COL19A1: variants seen among roughly 807,000 people sequenced by gnomAD.
The protein encoded by COL19A1 is collagen type XIX alpha 1 chain.
A neutral mutation model predicts 190.2 loss-of-function variants in COL19A1; 159 were observed. That is an observed-to-expected ratio of 0.84 (90% CI 0.73 to 0.95). The LOEUF is 0.95. Ranked by LOEUF, COL19A1 falls within the 40% of genes least tolerant of loss-of-function variation. The pLI, the probability that COL19A1 is intolerant of heterozygous loss-of-function variation, is 0.00. For missense variants in COL19A1, 1,418 were observed against 1,431.9 expected (o/e 0.99, Z 0.16); for synonymous variants, 509 against 458.9 (o/e 1.11, Z -1.39).
Position 69,927,948 on chromosome 6 carries a change from A to G in COL19A1, c.306A>G (p.Val102=). The change falls in exon 5 of 51, where the codon GTA becomes GTG. Residue 102 remains valine, a synonymous_variant. Transcript: ENST00000620364. ...FPKGLPEEYS[V]AAMFRVRRNA... is the part of the protein sequence containing the mutation. ...AAGGCCTTCCTGAGGAGTACTCAGTAGCTGCCATGTTTCGAGTACGAAGAA... is the reference window on the plus strand; with the variant it reads ...AAGGCCTTCCTGAGGAGTACTCAGTGGCTGCCATGTTTCGAGTACGAAGAA... The G allele has an allele frequency of 1.9e-6, 3 of 1,613,448 alleles. No individual in the cohort carries two copies. The highest frequency in any genetic ancestry group is 2.2e-5 in the South Asian group (2 of 91,062).
chr6:70,070,563 T>C lies in COL19A1; in HGVS notation c.1224+2087T>C, dbSNP rs545717513. Among the ~76,000 whole-genome samples, 317 of 152,288 alleles carry C rather than the reference T, an allele frequency of 2.1e-3. 4 individuals carry two copies. The highest frequency in any genetic ancestry group is 7.2e-3 in the African/African-American group (301 of 41,592). On this transcript the variant is annotated intron_variant, in intron 15 of 50. Transcript: ENST00000620364. ...TGACATTATCCACATTTACAAATAATTATATGCATTTGGATTATATCCATA... is the reference window on the plus strand; with the variant it reads ...TGACATTATCCACATTTACAAATAACTATATGCATTTGGATTATATCCATA...
At chr6:69,921,761 T>C (rs1771969290) in intron 4 of COL19A1, among the ~76,000 whole-genome samples, 1 of 147,456 alleles carries the variant, frequency 6.8e-6, no homozygotes, top group Non-Finnish European at 1.5e-5. Context: ...TATTCGTATG[T>C]AGATTCGTAT....
intron 48 of COL19A1, among the ~76,000 whole-genome samples, chr6:70,195,407 A>G (rs1419926896): frequency 6.6e-6 from 1 of 151,862 alleles, no homozygotes; most frequent in Admixed American, 6.6e-5. Flanking sequence ...TAAGTGAGGG[A>G]CCCTTAATTT....
At chr6:70,006,077 C>T (rs964475964) in intron 11 of COL19A1, among the ~76,000 whole-genome samples, 1 of 152,140 alleles carries the variant, frequency 6.6e-6, no homozygotes, top group Non-Finnish European at 1.5e-5. Flanking sequence ...CTTCCCCCAC[C>T]CAAGGAACTT....
At chr6:69,893,911 T>C (rs577390078) in intron 2 of COL19A1, among the ~76,000 whole-genome samples, 4 of 152,172 alleles carry the variant, frequency 2.6e-5, no homozygotes, top group Non-Finnish European at 5.9e-5. Flanking sequence ...ACTCAACCAA[T>C]TGTCAACCAG....
At chr6:70,133,225 T>C (rs966183913) in intron 18 of COL19A1, among the ~76,000 whole-genome samples, 3 of 152,202 alleles carry the variant, frequency 2.0e-5, no homozygotes, top group Non-Finnish European at 2.9e-5. Context: ...TCCTTTATAA[T>C]ATGCTACTTC....
intron 14 of COL19A1, among the ~76,000 whole-genome samples, chr6:70,042,527 C>T (rs554240726): frequency 1.9e-4 from 29 of 152,130 alleles, no homozygotes; most frequent in Non-Finnish European, 3.7e-4. Flanking sequence ...GAGGGTCTTG[C>T]CTCCATATTG....
chr6:69,919,094 T>C (rs894826441), intron 4 of COL19A1, among the ~76,000 whole-genome samples: 1 of 152,172 alleles, frequency 6.6e-6, no homozygotes, highest in Non-Finnish European at 1.5e-5. Context: ...ACACATTTGC[T>C]GCCCAAGACT....
chr6:69,951,870 G>A (rs1263004787), intron 9 of COL19A1, among the ~76,000 whole-genome samples: 2 of 151,774 alleles, frequency 1.3e-5, no homozygotes, highest in African/African-American at 4.8e-5. Flanking sequence ...GTAGAGTCAG[G>A]ATTTGAACCT....
At chr6:70,064,170 A>G (rs954548573) in intron 14 of COL19A1, among the ~76,000 whole-genome samples, 2 of 152,174 alleles carry the variant, frequency 1.3e-5, no homozygotes, top group Non-Finnish European at 2.9e-5. Context: ...CAGAGACACA[A>G]CAAAAAAAGA....
rs928665476 is a variant in COL19A1 at position 69,869,272 on chromosome 6, A to G, written c.-33+2632A>G. On this transcript the variant is annotated intron_variant, in intron 1 of 50. Coordinates refer to ENST00000620364, the MANE Select transcript of COL19A1 (RefSeq NM_001858.6). ...GGGTGAAATCTGAGATGAGTAGAGC[A>G]GATAGCACCTGCCAAGGAGAGATTG... Among the ~76,000 whole-genome samples the G allele has an allele frequency of 2.2e-4, 34 of 152,252 alleles. 1 individual carries two copies. The highest frequency in any genetic ancestry group is 2.1e-4 in the South Asian group (1 of 4,832).
At chr6:69,921,471 C>CATATATGAAT (rs374298392) in intron 4 of COL19A1, among the ~76,000 whole-genome samples, 1 of 9,812 alleles carries the variant, frequency 1.0e-4, no homozygotes, top group Admixed American at 1.3e-3. Context: ...CATATATATT[C>CATATATGAAT]ATATATTCAT....
chr6:70,117,847 G>A (rs554750172), intron 16 of COL19A1, among the ~76,000 whole-genome samples: 3 of 152,332 alleles, frequency 2.0e-5, no homozygotes, highest in African/African-American at 7.2e-5. Context: ...GTGGGTCACT[G>A]TTATAAGCAA....
At chr6:70,130,301 C>T (rs1054203709) in intron 18 of COL19A1, 78 bp downstream of exon 18, 1 of 1,198,808 alleles carries the variant, frequency 8.3e-7, no homozygotes, top group African/African-American at 1.5e-5. Flanking sequence ...TCTTGGCTCA[C>T]TATAACCTCC....
intron 20 of COL19A1, 56 bp downstream of exon 20, chr6:70,141,045 T>C: frequency 6.7e-7 from 1 of 1,482,704 alleles, no homozygotes; most frequent in Admixed American, 1.8e-5. Context: ...TTTGTTTCTC[T>C]CTGATTTTCT....
intron 9 of COL19A1, among the ~76,000 whole-genome samples, chr6:69,943,733 C>A (rs1773617357): frequency 6.6e-6 from 1 of 152,146 alleles, no homozygotes; most frequent in African/African-American, 2.4e-5. Flanking sequence ...TTTATGGGTT[C>A]TCTAGTGTGT....
chr6:69,939,802 A>C (rs975545495), intron 9 of COL19A1, among the ~76,000 whole-genome samples: 16 of 152,100 alleles, frequency 1.1e-4, no homozygotes, highest in Non-Finnish European at 2.4e-4. Context: ...GAATTTGGCC[A>C]AGCCACTCAG....
chr6:70,002,605 T>A (rs1562078055), intron 11 of COL19A1, among the ~76,000 whole-genome samples: 2 of 149,192 alleles, frequency 1.3e-5, no homozygotes, highest in Admixed American at 6.7e-5. Flanking sequence ...TAAAATATAT[T>A]TATATATATA....
intron 37 of COL19A1, among the ~76,000 whole-genome samples, chr6:70,167,253 A>G (rs941175790): frequency 3.3e-5 from 5 of 152,202 alleles, no homozygotes; most frequent in African/African-American, 4.8e-5. Context: ...GACTTCTTCA[A>G]CTCTGCAACT....
Sources: gnomAD v4.1 joint callset for allele counts (sites outside exome capture counted in the v4.1 genomes callset) on GRCh38, gnomAD v4.1.1 for gene constraint, MANE v1.5 for transcripts, NCBI Gene and HGNC (gene_info 2026-07-23, HGNC 2026-07-21) for gene names.